Variants in SYN2 observed in about 807,000 individuals in gnomAD.
SYN2 encodes synapsin II, also known as synapsin-2.
A neutral mutation model predicts 50.9 loss-of-function variants in SYN2; 19 were observed. The observed-to-expected ratio is 0.37, with a 90% CI of 0.26 to 0.55. The LOEUF (loss-of-function observed/expected upper bound fraction) is 0.55. SYN2 is among the 20% of genes least tolerant of loss of function. The probability of loss-of-function intolerance (pLI) is 0.81; values close to 1 mark genes in which losing one functional copy is unlikely to be tolerated. For missense variants in SYN2, 587 were observed against 576.4 expected (o/e 1.02, Z -0.19); for synonymous variants, 255 against 224.9 (o/e 1.13, Z -1.20).
At chr3:12,181,210 C>T (rs899056604) in intron 10 of SYN2, among the ~76,000 whole-genome samples, 4 of 152,218 alleles carry the variant, frequency 2.6e-5, no homozygotes, top group African/African-American at 9.6e-5. Context: ...TCTGGGAATA[C>T]CAATTCTCTG....
chr3:12,112,429 A>G (rs1031393138), intron 1 of SYN2, among the ~76,000 whole-genome samples: 1 of 152,142 alleles, frequency 6.6e-6, no homozygotes, highest in African/African-American at 2.4e-5. Flanking sequence ...TCCTGTACTC[A>G]AACCCAGCTT....
At chr3:12,187,718 G>T in intron 12 of SYN2, 106 bp downstream of exon 12, 1 of 1,400,844 alleles carries the variant, frequency 7.1e-7, no homozygotes, top group Non-Finnish European at 9.4e-7. Context: ...TCCTCCTACA[G>T]ATATTTTGTG....
At chr3:12,173,034 A>G (rs553984336) in intron 10 of SYN2, among the ~76,000 whole-genome samples, 15 of 152,324 alleles carry the variant, frequency 9.8e-5, no homozygotes, top group East Asian at 5.8e-4. Context: ...TTGCTGTCCA[A>G]AAGATTTATA....
chr3:12,173,565 A>G (rs908198173), intron 10 of SYN2, among the ~76,000 whole-genome samples: 5 of 151,970 alleles, frequency 3.3e-5, no homozygotes, highest in Admixed American at 1.3e-4. Flanking sequence ...TTTCTCTCCT[A>G]TCCTCTCTAG....
At chr3:12,025,239 A>G (rs1694231804) in intron 1 of SYN2, among the ~76,000 whole-genome samples, 2 of 152,144 alleles carry the variant, frequency 1.3e-5, no homozygotes, top group African/African-American at 2.4e-5. Flanking sequence ...TCCAAACGTC[A>G]TCACAATGGG....
chr3:12,049,260 C>G (rs1423960158), intron 1 of SYN2, among the ~76,000 whole-genome samples: 1 of 151,940 alleles, frequency 6.6e-6, no homozygotes, highest in Non-Finnish European at 1.5e-5. Flanking sequence ...GGCTCATGCC[C>G]ATAATCCTAG....
chr3:12,177,886 G>A (rs1180713962), intron 10 of SYN2, among the ~76,000 whole-genome samples: 2 of 152,184 alleles, frequency 1.3e-5, no homozygotes, highest in African/African-American at 4.8e-5. Context: ...TAGGTTATGG[G>A]AGGGCCCCAC....
intron 5 of SYN2, among the ~76,000 whole-genome samples, chr3:12,152,498 C>T (rs912467855): frequency 4.6e-5 from 7 of 152,148 alleles, no homozygotes; most frequent in Admixed American, 1.3e-4. Flanking sequence ...TCAAAACTGG[C>T]TTTTTCCTGC....
intron 1 of SYN2, among the ~76,000 whole-genome samples, chr3:12,060,407 G>C (rs1466481129): frequency 1.3e-5 from 2 of 152,062 alleles, no homozygotes; most frequent in Non-Finnish European, 2.9e-5. Flanking sequence ...CTGGGAGAAG[G>C]GCATTTCTCT....
At chr3:12,154,382 G>T in intron 5 of SYN2, 1 of 1,614,194 alleles carries the variant, frequency 6.2e-7, no homozygotes, top group Non-Finnish European at 8.5e-7. Context: ...CTGCACCAAG[G>T]ACAGGTCCTC....
chr3:12,120,270 C>T (rs959922203), intron 1 of SYN2, among the ~76,000 whole-genome samples: 14 of 152,198 alleles, frequency 9.2e-5, no homozygotes, highest in African/African-American at 2.9e-4. Context: ...TCCAGGTCAG[C>T]GCTTTTTTAA....
At chr3:12,124,774 T>G (rs1696629613) in intron 1 of SYN2, among the ~76,000 whole-genome samples, 1 of 152,164 alleles carries the variant, frequency 6.6e-6, no homozygotes, top group Non-Finnish European at 1.5e-5. Flanking sequence ...TATACACATG[T>G]AGTAAAACTA....
intron 1 of SYN2, among the ~76,000 whole-genome samples, chr3:12,124,360 G>C (rs1696621015): frequency 6.6e-6 from 1 of 152,120 alleles, no homozygotes; most frequent in Non-Finnish European, 1.5e-5. Flanking sequence ...GAGGAGAGTA[G>C]AGCTACTGAT....
At chr3:12,085,236 A>G (rs1178791462) in intron 1 of SYN2, among the ~76,000 whole-genome samples, 2 of 152,106 alleles carry the variant, frequency 1.3e-5, no homozygotes, top group Non-Finnish European at 2.9e-5. Flanking sequence ...TACTTACATC[A>G]GACAAAATAG....
Position 12,167,244 on chromosome 3 carries a change from A to G in SYN2, c.991A>G (p.Ile331Val). ...GGGATCTTGTTGCAGGAGGACATCG[A>G]TCTCAGGGAACTGGAAGACGAACAC... ...NNYKAYMRTS[I>V]SGNWKTNTGS... Residue 331 changes from isoleucine to valine, a missense_variant, in exon 8 of 13, where the codon ATC (isoleucine) becomes GTC (valine). Physicochemically the swap from Ile to Val is conservative, Grantham distance 29 (BLOSUM62 3). Transcript: ENST00000621198. 2.5e-6 allele frequency: 4 copies of G among 1,612,916 alleles called. No homozygotes were observed. The highest frequency in any genetic ancestry group is 3.4e-6 in the Non-Finnish European group (4 of 1,179,568).
chr3:12,155,214 A>G (rs1408154563), intron 5 of SYN2, among the ~76,000 whole-genome samples: 1 of 152,230 alleles, frequency 6.6e-6, no homozygotes, highest in Non-Finnish European at 1.5e-5. Context: ...CCAGGAATAC[A>G]GATATAAAAA....
rs750207308 is a variant in SYN2, at chr3:12,153,588, A to T, written c.774+2262A>T. The T allele has an allele frequency of 1.2e-6, 2 of 1,614,052 alleles. No homozygotes were observed. Among genetic ancestry groups the T allele is most frequent in the Non-Finnish European group, 1.7e-6 (2 of 1,180,000 alleles). On this transcript the variant is annotated intron_variant, in intron 5 of 12. Coordinates refer to ENST00000621198, the MANE Select transcript of SYN2 (RefSeq NM_133625.6). ...CCGGTACCAGCTGCAGGTGCCGTCAACATGCTTCATACAGACATAATGCTG... is the reference window on the plus strand; with the variant it reads ...CCGGTACCAGCTGCAGGTGCCGTCATCATGCTTCATACAGACATAATGCTG...
At chr3:12,182,121 C>A (rs1698235639) in intron 10 of SYN2, among the ~76,000 whole-genome samples, 1 of 152,164 alleles carries the variant, frequency 6.6e-6, no homozygotes, top group South Asian at 2.1e-4. Flanking sequence ...GAGAAGGTAA[C>A]ACTTCCTGGC....
chr3:12,180,759 C>T (rs1698203285), intron 10 of SYN2, among the ~76,000 whole-genome samples: 2 of 152,204 alleles, frequency 1.3e-5, no homozygotes, highest in South Asian at 2.1e-4. Context: ...GGGAGCTCTT[C>T]CTCTCAAGCC....
Sources: gnomAD v4.1 joint callset for allele counts (sites outside exome capture counted in the v4.1 genomes callset) on GRCh38, gnomAD v4.1.1 for gene constraint, MANE v1.5 for transcripts, NCBI Gene and HGNC (gene_info 2026-07-23, HGNC 2026-07-21) for gene names.